Variants in TANK observed in about 807,000 individuals in gnomAD.
TANK encodes the protein TRAF family member-associated NF-kappa-B activator.
Under a neutral mutation model 43.6 loss-of-function variants are expected in TANK, and 15 were observed. The observed-to-expected ratio is 0.34, with a 90% CI of 0.23 to 0.53. TANK has a LOEUF of 0.53. Ranked by LOEUF, TANK falls within the 20% of genes least tolerant of loss-of-function variation. The pLI, the probability that TANK is intolerant of heterozygous loss-of-function variation, is 0.94. For synonymous variants in TANK, 162 were observed against 178.2 expected (o/e 0.91, Z 0.73); for missense variants, 417 against 498.6 (o/e 0.84, Z 1.56).
upstream of TANK, among the ~76,000 whole-genome samples, chr2:161,156,829 G>T (rs1042174881): frequency 6.6e-6 from 1 of 152,184 alleles, no homozygotes; most frequent in Non-Finnish European, 1.5e-5. Flanking sequence ...ATAAAGAGAA[G>T]AATTCCTGGT....
intron 4 of TANK, among the ~76,000 whole-genome samples, chr2:161,214,620 T>C (rs1687038619): frequency 6.6e-6 from 1 of 152,046 alleles, no homozygotes; most frequent in African/African-American, 2.4e-5. Flanking sequence ...TGTTTTTGCA[T>C]CATCAGTCTA....
intron 1 of TANK, among the ~76,000 whole-genome samples, chr2:161,178,343 G>A (rs1229056083): frequency 6.6e-6 from 1 of 151,992 alleles, no homozygotes; most frequent in African/African-American, 2.4e-5. Context: ...GTCAAGTACT[G>A]TTACATGCTA....
rs148301137 is a variant in TANK, at chr2:161,142,679, A to G, written c.-50+5616A>G. The stretch of plus-strand genomic sequence containing the variant: ...GGTCTCTGTTCTGCTCCATTGGTCT[A>G]TATGTCTGTTTTGGTACCAGTACCA... On this transcript the variant is annotated intron_variant, in intron 1 of 7. Coordinates refer to the TANK transcript ENST00000259075. Among the ~76,000 whole-genome samples, 23 of 152,142 alleles carry G rather than the reference A, an allele frequency of 1.5e-4. No individual in the cohort carries two copies. In the East Asian group the frequency reaches 4.4e-3, roughly 29 times the overall value.
chr2:161,136,992 T>C (rs977150060), exon 1 of TANK: 17 of 985,300 alleles, frequency 1.7e-5, no homozygotes, highest in Non-Finnish European at 2.0e-5. Context: ...GAAAACACTT[T>C]ACAACTGTGT....
intron 1 of TANK, among the ~76,000 whole-genome samples, chr2:161,143,632 T>C (rs556656154): frequency 2.6e-5 from 4 of 152,220 alleles, no homozygotes; most frequent in Non-Finnish European, 5.9e-5. Flanking sequence ...GATTTGTGTA[T>C]GTTGAACCAA....
chr2:161,175,664 C>T (rs796544873), intron 1 of TANK, among the ~76,000 whole-genome samples: 18 of 152,210 alleles, frequency 1.2e-4, no homozygotes, highest in African/African-American at 4.1e-4. Context: ...AGGACAGTTT[C>T]ATTATTGAAC....
chr2:161,218,597 A>C (rs1289247599), intron 4 of TANK, among the ~76,000 whole-genome samples: 1 of 152,224 alleles, frequency 6.6e-6, no homozygotes, highest in Non-Finnish European at 1.5e-5. Flanking sequence ...CAGAGGCTGC[A>C]GCAGGAAGAC....
At chr2:161,184,970 T>G (rs1004571160) in intron 2 of TANK, among the ~76,000 whole-genome samples, 3 of 152,064 alleles carry the variant, frequency 2.0e-5, no homozygotes, top group Admixed American at 1.3e-4. Flanking sequence ...AGTGTATAGG[T>G]TGAAAGAATA....
intron 2 of TANK, chr2:161,202,792 G>A (rs1384759873): frequency 1.8e-5 from 8 of 433,428 alleles, no homozygotes; most frequent in South Asian, 6.8e-5. Context: ...TTTCAAATTT[G>A]CTTGAATGTT....
chr2:161,185,324 T>G (rs1172723865), intron 2 of TANK, among the ~76,000 whole-genome samples: 2 of 152,076 alleles, frequency 1.3e-5, no homozygotes, highest in African/African-American at 4.8e-5. Flanking sequence ...TGGAGGTTAC[T>G]GACATTTATG....
At chr2:161,224,047 T>A in intron 5 of TANK, 56 bp downstream of exon 5, 5 of 1,162,262 alleles carry the variant, frequency 4.3e-6, no homozygotes, top group Non-Finnish European at 6.0e-6. Flanking sequence ...TGAAATATAT[T>A]TTATATTTGT....
chr2:161,164,534 A>G (rs189869171), intron 1 of TANK, among the ~76,000 whole-genome samples: 35 of 152,332 alleles, frequency 2.3e-4, no homozygotes, highest in African/African-American at 7.9e-4. Context: ...ATAACAGAAT[A>G]TGAAATGAAC....
rs1383910217 is a variant in TANK at position 161,231,192 on chromosome 2, A to G, written c.742A>G (p.Ser248Gly). 3 of 1,613,910 alleles carry G rather than the reference A, an allele frequency of 1.9e-6. No individual in the cohort carries two copies. Among genetic ancestry groups the G allele is most frequent in the Non-Finnish European group, 2.5e-6 (3 of 1,180,038 alleles). Residue 248 changes from serine (S) to glycine (G), a missense_variant, in exon 7 of 8, where the codon AGC (serine) becomes GGC (glycine). Ser to Gly is a moderately conservative substitution (Grantham distance 56). Transcript: ENST00000392749. ...GGACAATGACTCAACTTTCTTACAT[A>G]GCACTCCAGAGAGACCCGGCATCCT... Reference protein sequence around the residue: ...PMDNDSTFLHSTPERPGILSP... With the variant: ...PMDNDSTFLHGTPERPGILSP...
Position 161,235,457 on chromosome 2 carries a change from C to G in TANK, c.1217C>G (p.Ser406Cys). Residue 406 changes from serine to cysteine, a missense_variant, in exon 8 of 8, where the codon TCC becomes TGC. Transcript: ENST00000392749. ...TTCTGTCAAGCAGTTTTCCCACCAT[C>G]CATTACATCCAGGGGGGATTTCCTT... is the stretch of plus-strand genomic sequence containing the variant. ...CEFCQAVFPP[S>C]ITSRGDFLRH... 3 of 1,613,914 alleles carry G rather than the reference C, an allele frequency of 1.9e-6. No homozygotes were observed. The highest frequency in any genetic ancestry group is 2.5e-6 in the Non-Finnish European group (3 of 1,179,890).
intron 1 of TANK, among the ~76,000 whole-genome samples, chr2:161,173,234 T>C (rs538760345): frequency 5.4e-4 from 82 of 152,266 alleles, no homozygotes; most frequent in Middle Eastern, 6.8e-3. Flanking sequence ...TGACCATAGC[T>C]TATCATGGCA....
At chr2:161,153,500 C>A (rs1009805446) in intron 1 of TANK, among the ~76,000 whole-genome samples, 1 of 151,710 alleles carries the variant, frequency 6.6e-6, no homozygotes, top group African/African-American at 2.4e-5. Flanking sequence ...CCAGCCTGGG[C>A]AACATGGTGA....
Position 161,229,242 on chromosome 2 carries a change from A to T in TANK, c.521-1729A>T, listed in dbSNP as rs544309947. ...GTAGCTATTTTGGAGAACTATACAAAGTTCATTATAGCCAGAGTATGGAGT... is the reference window on the plus strand; with the variant it reads ...GTAGCTATTTTGGAGAACTATACAATGTTCATTATAGCCAGAGTATGGAGT... On this transcript the variant is annotated intron_variant, in intron 6 of 7. Transcript: ENST00000392749. 3.9e-5 allele frequency among the ~76,000 whole-genome samples: 6 copies of T among 152,358 alleles called. No homozygotes were observed. The East Asian group carries it at 9.6e-4, about 24-fold the overall frequency.
intron 4 of TANK, chr2:161,207,479 A>G (rs1448439917): frequency 1.0e-6 from 1 of 984,254 alleles, no homozygotes; most frequent in East Asian, 1.1e-4. Flanking sequence ...CTCTTTTTTT[A>G]TGTATCTCTA....
chr2:161,193,887 T>C (rs1225658823), intron 2 of TANK, among the ~76,000 whole-genome samples: 1 of 152,186 alleles, frequency 6.6e-6, no homozygotes, highest in African/African-American at 2.4e-5. Context: ...GTTAAAACTC[T>C]AAGAAAGAAA....
Sources: gnomAD v4.1 joint callset for allele counts (sites outside exome capture counted in the v4.1 genomes callset) on GRCh38, gnomAD v4.1.1 for gene constraint, MANE v1.5 for transcripts, NCBI Gene and HGNC (gene_info 2026-07-23, HGNC 2026-07-21) for gene names.